Variants in FHIP1A observed in about 807,000 individuals in gnomAD.
The protein encoded by FHIP1A is FHF complex subunit HOOK-interacting protein 1A.
Under a neutral mutation model 88.6 loss-of-function variants are expected in FHIP1A, and 61 were observed. The observed-to-expected ratio is 0.69, with a 90% CI of 0.56 to 0.85. FHIP1A has a LOEUF of 0.85. FHIP1A is among the 40% of genes least tolerant of loss of function. FHIP1A has a pLI of 0.00. For missense variants in FHIP1A, 1,154 were observed against 1,273.5 expected (o/e 0.91, Z 1.43); for synonymous variants, 478 against 496.0 (o/e 0.96, Z 0.48).
At chr4:151,445,120 A>C (rs1272607592) in intron 1 of FHIP1A, among the ~76,000 whole-genome samples, 1 of 152,162 alleles carries the variant, frequency 6.6e-6, no homozygotes, top group African/African-American at 2.4e-5. Flanking sequence ...CCCCTTCCTC[A>C]GGTTTGATAA....
chr4:151,412,100 G>A (rs1002997539), intron 1 of FHIP1A, among the ~76,000 whole-genome samples: 8 of 152,180 alleles, frequency 5.3e-5, no homozygotes, highest in African/African-American at 1.9e-4. Flanking sequence ...ATGAGGTTCA[G>A]AGATAATAAG....
At chr4:151,418,380 A>G (rs755096389) in intron 1 of FHIP1A, among the ~76,000 whole-genome samples, 1 of 152,090 alleles carries the variant, frequency 6.6e-6, no homozygotes, top group African/African-American at 2.4e-5. Context: ...TGCATGTCCT[A>G]TTTGAAAAGT....
rs570226501 is a variant in FHIP1A at position 151,568,732 on chromosome 4, T to C, written c.105+2368T>C. On this transcript the variant is annotated intron_variant, in intron 4 of 13. Transcript: ENST00000435205. ...CAGGAATTAAGTCAAGAGAAGGGGC[T>C]ATTATGGCTGGAAATGGCCTGGGAA... is the stretch of plus-strand genomic sequence containing the variant. 3.3e-5 allele frequency among the ~76,000 whole-genome samples: 5 copies of C among 152,302 alleles called. No individual in the cohort carries two copies. In the East Asian group the frequency reaches 9.6e-4, roughly 29 times the overall value.
intron 3 of FHIP1A, among the ~76,000 whole-genome samples, chr4:151,496,716 CTT>C (rs58538673): frequency 1.2e-4 from 12 of 102,446 alleles, no homozygotes; most frequent in South Asian, 6.5e-4. Flanking sequence ...CCACGTCCAG[CTT>C]TTTTTTTTTT....
chr4:151,610,388 G>C (rs1366736511), intron 7 of FHIP1A, among the ~76,000 whole-genome samples: 1 of 152,152 alleles, frequency 6.6e-6, no homozygotes, highest in Non-Finnish European at 1.5e-5. Flanking sequence ...CTAAGAAGAG[G>C]CTCTGTGTAT....
intron 2 of FHIP1A, among the ~76,000 whole-genome samples, chr4:151,476,876 A>G (rs1012574754): frequency 1.7e-4 from 22 of 130,990 alleles, no homozygotes; most frequent in Admixed American, 2.3e-4. Context: ...TATATTGGGG[A>G]AAAAGGCCAT....
rs781159818 is a variant in FHIP1A at position 151,638,791 on chromosome 4, T to A, written c.1226+35T>A. ...CTTTTTTGTTTCCTTTAAAGAAAAA[T>A]TCACTTTATACTTTATATTACTTTA... is the stretch of plus-strand genomic sequence containing the variant. On this transcript the variant is annotated intron_variant, in intron 9 of 13. Transcript: ENST00000435205. 6 of 1,221,940 alleles carry A rather than the reference T, an allele frequency of 4.9e-6. No individual in the cohort carries two copies. The South Asian group carries it at 8.2e-5, about 17-fold the overall frequency. 75.7% of individuals were successfully genotyped at this position (1,221,940 alleles called of 1,614,324 possible).
intron 2 of FHIP1A, among the ~76,000 whole-genome samples, chr4:151,475,004 A>G (rs903177088): frequency 3.9e-5 from 6 of 152,224 alleles, no homozygotes; most frequent in African/African-American, 1.4e-4. Context: ...TCAGTGGCCT[A>G]AAGTCACCTG....
At chr4:151,641,821 A>G (rs1736598034) in intron 9 of FHIP1A, among the ~76,000 whole-genome samples, 1 of 152,274 alleles carries the variant, frequency 6.6e-6, no homozygotes, top group Non-Finnish European at 1.5e-5. Flanking sequence ...AAATAGATTT[A>G]TAATCTGTCC....
intron 7 of FHIP1A, among the ~76,000 whole-genome samples, chr4:151,614,683 C>A (rs998850213): frequency 1.3e-5 from 2 of 152,188 alleles, no homozygotes; most frequent in Non-Finnish European, 2.9e-5. Context: ...TTACATCTCT[C>A]AGAGGTGCTG....
At chr4:151,526,673 T>C (rs1279066312) in intron 3 of FHIP1A, among the ~76,000 whole-genome samples, 4 of 139,752 alleles carry the variant, frequency 2.9e-5, no homozygotes, top group Admixed American at 7.0e-5. Flanking sequence ...TGACCCCCCC[T>C]CCTCCCTCCC....
At chr4:151,526,275 C>T (rs1560748565) in intron 3 of FHIP1A, among the ~76,000 whole-genome samples, 1 of 152,172 alleles carries the variant, frequency 6.6e-6, no homozygotes, top group Non-Finnish European at 1.5e-5. Flanking sequence ...CTGTTGGGTA[C>T]ACCTCCCAGA....
chr4:151,666,935 G>A lies in FHIP1A; in HGVS notation c.*4181G>A, dbSNP rs148678310. The stretch of plus-strand genomic sequence containing the variant: ...TAAGCCCTTAATTTTAAATGGTCCC[G>A]GCGTGGTGTTCAGTATCTGCATATG... On this transcript the variant is annotated 3_prime_UTR_variant, in exon 14 of 14. Transcript: ENST00000435205. 3.0e-4 allele frequency among the ~76,000 whole-genome samples: 46 copies of A among 152,256 alleles called. No homozygotes were observed. Among genetic ancestry groups the A allele is most frequent in the Non-Finnish European group, 5.1e-4 (35 of 68,018 alleles).
chr4:151,648,154 T>C (rs906948130), intron 10 of FHIP1A, among the ~76,000 whole-genome samples: 4 of 152,200 alleles, frequency 2.6e-5, no homozygotes, highest in African/African-American at 7.2e-5. Context: ...GAGCCAAGAC[T>C]TAGGTTCTGC....
At chr4:151,411,349 A>ATAT (rs796909469) in intron 1 of FHIP1A, among the ~76,000 whole-genome samples, 33 of 136,790 alleles carry the variant, frequency 2.4e-4, no homozygotes, top group African/African-American at 7.1e-4. Context: ...TTATATATAT[A>ATAT]TTTTTTTTTT....
intron 5 of FHIP1A, among the ~76,000 whole-genome samples, chr4:151,579,146 A>G (rs1313924816): frequency 6.6e-6 from 1 of 152,212 alleles, no homozygotes; most frequent in African/African-American, 2.4e-5. Context: ...TGGCAGTCAA[A>G]TTACTTTGTA....
intron 7 of FHIP1A, among the ~76,000 whole-genome samples, chr4:151,615,188 T>C (rs1441704381): frequency 3.9e-5 from 6 of 152,228 alleles, no homozygotes; most frequent in African/African-American, 9.6e-5. Context: ...GATACAGATA[T>C]TCAATTTCAA....
chr4:151,618,717 G>A (rs534116335), intron 7 of FHIP1A, among the ~76,000 whole-genome samples: 19 of 152,188 alleles, frequency 1.2e-4, no homozygotes, highest in Admixed American at 4.6e-4. Flanking sequence ...GAGACATCAG[G>A]CTTGTTTTCC....
At chr4:151,467,716 A>G (rs903167689) in intron 2 of FHIP1A, among the ~76,000 whole-genome samples, 1 of 152,126 alleles carries the variant, frequency 6.6e-6, no homozygotes, top group Non-Finnish European at 1.5e-5. Flanking sequence ...ATCCTCAGCA[A>G]ACTAACACAG....
Sources: allele counts gnomAD v4.1 joint callset (sites outside exome capture counted in the v4.1 genomes callset), GRCh38; gene constraint gnomAD v4.1.1; transcripts MANE v1.5; gene names NCBI Gene and HGNC (gene_info 2026-07-23, HGNC 2026-07-21).